RBM20: variants seen among roughly 807,000 people sequenced by gnomAD.
RBM20 encodes RNA-binding protein 20.
Under a neutral mutation model 110.1 loss-of-function variants are expected in RBM20, and 51 were observed. The ratio of observed to expected loss-of-function variants is 0.46; its 90% CI spans 0.37 to 0.59. The LOEUF (loss-of-function observed/expected upper bound fraction) is 0.59. RBM20 is among the 20% of genes least tolerant of loss of function. The pLI is 0.00. For synonymous variants in RBM20, 589 were observed against 618.2 expected (o/e 0.95, Z 0.70); for missense variants, 1,512 against 1,574.9 (o/e 0.96, Z 0.68).
At chr10:110,834,207 C>T (rs1456010379) in intron 13 of RBM20, among the ~76,000 whole-genome samples, 1 of 152,242 alleles carries the variant, frequency 6.6e-6, no homozygotes, top group East Asian at 1.9e-4. Context: ...ACTGGGCGCT[C>T]ATTCGCTTGC....
At chr10:110,683,880 G>C (rs1259592632) in intron 1 of RBM20, among the ~76,000 whole-genome samples, 2 of 152,204 alleles carry the variant, frequency 1.3e-5, no homozygotes, top group Admixed American at 1.3e-4. Context: ...GGGTTCTTTA[G>C]ATGATTTCAG....
At chr10:110,680,013 C>T (rs114898841) in intron 1 of RBM20, among the ~76,000 whole-genome samples, 27 of 152,342 alleles carry the variant, frequency 1.8e-4, no homozygotes, top group African/African-American at 6.5e-4. Flanking sequence ...GAGATAAGGG[C>T]ACAGTAGGAC....
In RBM20 at chr10:110,835,848, T is replaced by TGAAGAGG. The variant is rs1401310169; in HGVS notation, c.3574-20_3574-19insGAAGAGG. On this transcript the variant is annotated intron_variant, in intron 13 of 13. Coordinates refer to ENST00000369519, the MANE Select transcript of RBM20 (RefSeq NM_001134363.3). ...CCTACTAACATGCCCCTTCCTCCAC[T>TGAAGAGG]TCCCCTCTTCTTTCCACAGAAATAT... is the stretch of plus-strand genomic sequence containing the variant. 12 of 1,550,078 alleles carry TGAAGAGG rather than the reference T, an allele frequency of 7.7e-6. No homozygotes were observed. The highest frequency in any genetic ancestry group is 9.6e-6 in the Non-Finnish European group (11 of 1,145,890).
intron 1 of RBM20, among the ~76,000 whole-genome samples, chr10:110,685,131 C>T (rs1465971634): frequency 5.3e-5 from 8 of 152,192 alleles, no homozygotes; most frequent in African/African-American, 1.9e-4. Flanking sequence ...GGTTTGTGGT[C>T]GCTGCCGAGG....
chr10:110,807,826 T>G (rs527639417), intron 7 of RBM20, among the ~76,000 whole-genome samples: 1 of 152,368 alleles, frequency 6.6e-6, no homozygotes, highest in African/African-American at 2.4e-5. Context: ...TTTTATGTTC[T>G]GAAGAATTGC....
intron 1 of RBM20, among the ~76,000 whole-genome samples, chr10:110,681,024 GGTTTCT>G (rs1862416121): frequency 6.6e-6 from 1 of 152,166 alleles, no homozygotes; most frequent in South Asian, 2.1e-4. Flanking sequence ...CTGCCTGGAT[GGTTTCT>G]GTCTAGGGGG....
At chr10:110,800,896 A>C (rs1346476306) in intron 7 of RBM20, among the ~76,000 whole-genome samples, 1 of 152,190 alleles carries the variant, frequency 6.6e-6, no homozygotes, top group African/African-American at 2.4e-5. Flanking sequence ...TTGTATGGCT[A>C]TACAGTTTAT....
chr10:110,741,772 C>A (rs1426583607), intron 1 of RBM20, among the ~76,000 whole-genome samples: 3 of 151,484 alleles, frequency 2.0e-5, no homozygotes, highest in Non-Finnish European at 4.4e-5. Context: ...TGAGCTCAGA[C>A]CTCACCTCCT....
At chr10:110,826,423 G>A (rs545193500) in intron 12 of RBM20, among the ~76,000 whole-genome samples, 1 of 152,088 alleles carries the variant, frequency 6.6e-6, no homozygotes, top group Admixed American at 6.6e-5. Context: ...GCAACCCCCA[G>A]GTAAAGGATC....
chr10:110,794,007 G>T (rs928551235), intron 5 of RBM20, among the ~76,000 whole-genome samples: 6 of 152,196 alleles, frequency 3.9e-5, no homozygotes, highest in African/African-American at 1.2e-4. Context: ...TTGCTCAAGA[G>T]CACTCAGGAT....
At position 110,813,499 on chromosome 10, in the gene RBM20, G is replaced by T. The variant is rs549303996; in HGVS notation, c.2550+552G>T. Among the ~76,000 whole-genome samples, 8 of 152,172 alleles carry T rather than the reference G, an allele frequency of 5.3e-5. No individual in the cohort carries two copies. The South Asian group carries it at 1.7e-3, about 32-fold the overall frequency. On this transcript the variant is annotated intron_variant, in intron 9 of 13. Transcript: ENST00000369519. ...CGTCACCACCTGCTAAATTAAACTGGGTGCCCAGAGCTGTCCACAGTGTTT... is the reference window on the plus strand; with the variant it reads ...CGTCACCACCTGCTAAATTAAACTGTGTGCCCAGAGCTGTCCACAGTGTTT...
At chr10:110,813,066 G>T in intron 9 of RBM20, 119 bp downstream of exon 9, 1 of 746,122 alleles carries the variant, frequency 1.3e-6, no homozygotes, top group South Asian at 2.2e-5. Flanking sequence ...TATTTACTAT[G>T]CGCTAGGCAC....
At chr10:110,661,386 G>T (rs1297710954) in intron 1 of RBM20, among the ~76,000 whole-genome samples, 1 of 152,182 alleles carries the variant, frequency 6.6e-6, no homozygotes, top group Non-Finnish European at 1.5e-5. Context: ...GCTGGGATCT[G>T]ACTTGTGTAT....
intron 1 of RBM20, among the ~76,000 whole-genome samples, chr10:110,769,924 G>T (rs1164096333): frequency 1.3e-5 from 2 of 151,988 alleles, no homozygotes; most frequent in Non-Finnish European, 2.9e-5. Context: ...TCTCTATGTT[G>T]CCCAGGCTGT....
In RBM20 at chr10:110,838,073, T is replaced by C. The variant is rs1156996594; in HGVS notation, c.*2095T>C. ...TTTTAACCAGCATGATGAAGTGTCC[T>C]TGGTTTTAACCTTTATAAGGAAAGC... On this transcript the variant is annotated 3_prime_UTR_variant, in exon 14 of 14. Transcript: ENST00000369519. The C allele has an allele frequency of 6.6e-6, 1 of 152,230 alleles. No homozygotes were observed. The highest frequency in any genetic ancestry group is 2.4e-5 in the African/African-American group (1 of 41,462). 9.4% of individuals were successfully genotyped at this position (152,230 alleles called of 1,614,324 possible). A position where few individuals can be genotyped will look rare whatever the true frequency, so the allele number is the denominator to read the frequency against.
Position 110,781,405 on chromosome 10 carries a change from CA to C in RBM20, c.797del (p.His266ProfsTer39). 2 of 1,551,678 alleles carry C rather than the reference CA, an allele frequency of 1.3e-6. No homozygotes were observed. Among genetic ancestry groups the C allele is most frequent in the Non-Finnish European group, 1.7e-6 (2 of 1,147,014 alleles). ...CTCGGGCAGTGTGACCTATGAAGGG[CA>C]CTACAGCCACACAGGGCAGGATGGT... is the stretch of plus-strand genomic sequence containing the variant. ...STSGSVTYEG[H>X]YSHTGQDGQA... is the part of the protein sequence containing the mutation. On this transcript the variant is annotated frameshift_variant, in exon 2 of 14. Coordinates refer to ENST00000369519, the MANE Select transcript of RBM20 (RefSeq NM_001134363.3). LOFTEE classifies it high-confidence loss of function.
At chr10:110,798,929 C>T (rs1223768765) in intron 6 of RBM20, among the ~76,000 whole-genome samples, 1 of 152,166 alleles carries the variant, frequency 6.6e-6, no homozygotes, top group Non-Finnish European at 1.5e-5. Flanking sequence ...TAAACTGATG[C>T]ACAGTCAAAA....
intron 1 of RBM20, among the ~76,000 whole-genome samples, chr10:110,778,476 C>G (rs1314985413): frequency 6.6e-6 from 1 of 152,204 alleles, no homozygotes; most frequent in African/African-American, 2.4e-5. Flanking sequence ...TGAGCTAGCT[C>G]CCAGCCTCTC....
chr10:110,730,940 C>T (rs1185518590), intron 1 of RBM20, among the ~76,000 whole-genome samples: 1 of 152,224 alleles, frequency 6.6e-6, no homozygotes, highest in African/African-American at 2.4e-5. Flanking sequence ...AGAGCGTGCA[C>T]ACAGCACCAA....
Sources: allele counts gnomAD v4.1 joint callset (sites outside exome capture counted in the v4.1 genomes callset), GRCh38; gene constraint gnomAD v4.1.1; transcripts MANE v1.5; gene names NCBI Gene and HGNC (gene_info 2026-07-23, HGNC 2026-07-21).